The following STIM2 variants were observed in gnomAD, a reference collection of about 807,000 sequenced individuals.
The protein encoded by STIM2 is stromal interaction molecule 2.
In STIM2, 31 loss-of-function variants were observed where a neutral mutation model predicts 85.8. That is an observed-to-expected ratio of 0.36 (90% CI 0.27 to 0.49). The LOEUF is 0.49. STIM2 is among the 20% of genes least tolerant of loss of function. STIM2 has a pLI of 0.98. For missense variants in STIM2, 841 were observed against 927.6 expected, an observed-to-expected ratio of 0.91 and a Z score of 1.21; for synonymous variants, 356 against 331.1, an observed-to-expected ratio of 1.08 and a Z score of -0.82.
chr4:26,893,927 C>T (rs1445303632), intron 1 of STIM2, among the ~76,000 whole-genome samples: 2 of 151,910 alleles, frequency 1.3e-5, no homozygotes, highest in African/African-American at 4.8e-5. Context: ...CTTGTTGTGT[C>T]GCCCAGGCTA....
intron 1 of STIM2, among the ~76,000 whole-genome samples, chr4:26,862,233 C>A (rs922655275): frequency 6.6e-5 from 10 of 151,526 alleles, no homozygotes; most frequent in African/African-American, 2.4e-4. Flanking sequence ...TTATGTACAA[C>A]TGATCAGTTG....
chr4:26,953,863 A>C (rs1462749426), intron 2 of STIM2, among the ~76,000 whole-genome samples: 1 of 152,162 alleles, frequency 6.6e-6, no homozygotes, highest in Non-Finnish European at 1.5e-5. Context: ...AGCCATGGCC[A>C]AGTGGTCCAG....
At chr4:26,883,335 G>T (rs1723095987) in intron 1 of STIM2, among the ~76,000 whole-genome samples, 1 of 151,920 alleles carries the variant, frequency 6.6e-6, no homozygotes, top group Non-Finnish European at 1.5e-5. Context: ...ATTTCTCCTT[G>T]GGTTAAAAAT....
At chr4:26,916,086 T>C (rs911020769) in intron 1 of STIM2, among the ~76,000 whole-genome samples, 1 of 152,250 alleles carries the variant, frequency 6.6e-6, no homozygotes, top group African/African-American at 2.4e-5. Context: ...GCAGGTTGTA[T>C]ATTTTAAAAT....
intron 1 of STIM2, among the ~76,000 whole-genome samples, chr4:26,911,631 C>T (rs1232494154): frequency 6.6e-6 from 1 of 152,152 alleles, no homozygotes; most frequent in Non-Finnish European, 1.5e-5. Flanking sequence ...GAGTCTTCTT[C>T]CTGCATTTTT....
At chr4:26,873,939 T>C (rs192043238) in intron 1 of STIM2, 4 of 1,344,908 alleles carry the variant, frequency 3.0e-6, no homozygotes, top group Middle Eastern at 2.4e-4. Flanking sequence ...AGCTGGGTGC[T>C]CTTCTGGCTC....
At chr4:26,962,479 G>T (rs1726511862) in intron 3 of STIM2, among the ~76,000 whole-genome samples, 1 of 151,970 alleles carries the variant, frequency 6.6e-6, no homozygotes, top group African/African-American at 2.4e-5. Flanking sequence ...CTGGAATGTT[G>T]TCAACTGTGG....
rs560675254 is a variant in STIM2, at chr4:26,969,038, A to T, written c.397+11312A>T. On this transcript the variant is annotated intron_variant, in intron 3 of 11. Coordinates refer to ENST00000467087, the MANE Select transcript of STIM2 (RefSeq NM_020860.4). ...ATGTCAGCTTTCTTTTTCTTCATGG[A>T]TAATTGTGTCAGTTTATGGATTGAA... Among the ~76,000 whole-genome samples, 8 of 152,224 alleles carry T rather than the reference A, an allele frequency of 5.3e-5. No individual in the cohort carries two copies. The South Asian group carries it at 1.7e-3, about 32-fold the overall frequency.
intron 1 of STIM2, among the ~76,000 whole-genome samples, chr4:26,909,523 TGA>T (rs1724253958): frequency 6.6e-6 from 1 of 152,200 alleles, no homozygotes; most frequent in African/African-American, 2.4e-5. Flanking sequence ...GTCCTTGTAC[TGA>T]GAGAGAAGTA....
At chr4:26,956,443 CTT>C (rs545865394) in intron 2 of STIM2, among the ~76,000 whole-genome samples, 67 of 135,302 alleles carry the variant, frequency 5.0e-4, no homozygotes, top group Non-Finnish European at 5.5e-4. Flanking sequence ...ATTTCAATGC[CTT>C]TTTTTTTTTT....
At chr4:26,909,517 T>A (rs1393464872) in intron 1 of STIM2, among the ~76,000 whole-genome samples, 3 of 152,228 alleles carry the variant, frequency 2.0e-5, no homozygotes, top group Admixed American at 6.5e-5. Context: ...TTAAAAGTCC[T>A]TGTACTGAGA....
intron 1 of STIM2, among the ~76,000 whole-genome samples, chr4:26,868,220 C>T (rs1160582765): frequency 6.6e-6 from 1 of 152,180 alleles, no homozygotes; most frequent in Non-Finnish European, 1.5e-5. Context: ...GCCTGGCAAG[C>T]GCAGTTTACT....
At chr4:26,903,984 T>C (rs1724025506) in intron 1 of STIM2, among the ~76,000 whole-genome samples, 1 of 152,006 alleles carries the variant, frequency 6.6e-6, no homozygotes, top group South Asian at 2.1e-4. Flanking sequence ...TTAGGGTACA[T>C]GTGCATAATG....
At chr4:26,923,436 A>G (rs1353792430) in intron 2 of STIM2, among the ~76,000 whole-genome samples, 1 of 151,912 alleles carries the variant, frequency 6.6e-6, no homozygotes, top group Non-Finnish European at 1.5e-5. Context: ...AAGCTTCGTA[A>G]GTGAAGGAGA....
intron 2 of STIM2, among the ~76,000 whole-genome samples, chr4:26,928,731 A>G (rs113756224): frequency 1.3e-5 from 2 of 152,138 alleles, no homozygotes; most frequent in South Asian, 2.1e-4. Flanking sequence ...TTAAGCATAC[A>G]TGGCTGTGTA....
intron 2 of STIM2, among the ~76,000 whole-genome samples, chr4:26,953,228 T>C (rs557177602): frequency 1.3e-5 from 2 of 152,274 alleles, no homozygotes; most frequent in African/African-American, 4.8e-5. Context: ...TGTCTGATAT[T>C]CCCCAAAACA....
intron 1 of STIM2, chr4:26,873,483 G>A: frequency 3.0e-6 from 1 of 330,482 alleles, no homozygotes; most frequent in Non-Finnish European, 5.9e-6. Flanking sequence ...TGTGGCCAGA[G>A]CAGGGGGGCT....
chr4:27,007,122 T>C (rs1022906162), intron 7 of STIM2, among the ~76,000 whole-genome samples: 1 of 152,198 alleles, frequency 6.6e-6, no homozygotes, highest in Non-Finnish European at 1.5e-5. Flanking sequence ...ACTTCATAAA[T>C]GAAATATGCA....
intron 3 of STIM2, among the ~76,000 whole-genome samples, chr4:26,986,972 G>A (rs571579171): frequency 1.3e-5 from 2 of 152,176 alleles, no homozygotes; most frequent in African/African-American, 2.4e-5. Context: ...ACAAAGTAAG[G>A]CAGCCCATAT....
Sources: gnomAD v4.1 joint callset for allele counts (sites outside exome capture counted in the v4.1 genomes callset) on GRCh38, gnomAD v4.1.1 for gene constraint, MANE v1.5 for transcripts, NCBI Gene and HGNC (gene_info 2026-07-23, HGNC 2026-07-21) for gene names.